RIMS2: variants seen among roughly 807,000 people sequenced by gnomAD.
The protein encoded by RIMS2 is regulating synaptic membrane exocytosis protein 2.
A neutral mutation model predicts 174.4 loss-of-function variants in RIMS2; 59 were observed. The observed-to-expected ratio is 0.34, with a 90% CI of 0.27 to 0.42. The LOEUF (loss-of-function observed/expected upper bound fraction) is 0.42, where lower values mean the gene tolerates loss of function less well. Ranked by LOEUF, RIMS2 falls within the 10% of genes least tolerant of loss-of-function variation. The pLI is 1.00. For synonymous variants in RIMS2, 606 were observed against 572.5 expected (o/e 1.06, Z -0.84); for missense variants, 1,620 against 1,666.3 (o/e 0.97, Z 0.48).
intron 19 of RIMS2, among the ~76,000 whole-genome samples, chr8:104,232,812 T>A (rs2099237953): frequency 6.6e-6 from 1 of 152,212 alleles, no homozygotes; most frequent in Non-Finnish European, 1.5e-5. Context: ...ATACCCTAAT[T>A]GCAAAGCAGG....
chr8:104,108,018 T>C (rs1258705717), intron 19 of RIMS2, among the ~76,000 whole-genome samples: 4 of 146,712 alleles, frequency 2.7e-5, no homozygotes, highest in Non-Finnish European at 6.0e-5. Context: ...CAGTGGAAAT[T>C]ACTTCATAAT....
At chr8:103,591,843 C>A (rs2094275668) in intron 1 of RIMS2, among the ~76,000 whole-genome samples, 1 of 151,050 alleles carries the variant, frequency 6.6e-6, no homozygotes, top group Non-Finnish European at 1.5e-5. Context: ...AACCTCTTAC[C>A]TTTTTTTCTT....
At chr8:104,008,552 C>T (rs949228603) in intron 17 of RIMS2, among the ~76,000 whole-genome samples, 7 of 151,110 alleles carry the variant, frequency 4.6e-5, no homozygotes, top group Non-Finnish European at 8.9e-5. Flanking sequence ...TTGTATTTGT[C>T]CCTAATTTTC....
intron 19 of RIMS2, among the ~76,000 whole-genome samples, chr8:104,103,676 A>G (rs1046830872): frequency 4.2e-5 from 6 of 142,720 alleles, no homozygotes; most frequent in African/African-American, 1.6e-4. Flanking sequence ...GCTCAAGAAA[A>G]GGTGATTTTT....
intron 2 of RIMS2, among the ~76,000 whole-genome samples, chr8:103,724,278 G>A (rs374864889): frequency 1.3e-5 from 2 of 152,054 alleles, no homozygotes; most frequent in African/African-American, 2.4e-5. Flanking sequence ...CTGAGAGGGG[G>A]TGAGGGTAGA....
chr8:103,585,048 G>GT (rs2093830686), intron 1 of RIMS2, among the ~76,000 whole-genome samples: 1 of 152,152 alleles, frequency 6.6e-6, no homozygotes. Flanking sequence ...GATATTCCAT[G>GT]TCAATGGAAA....
At chr8:103,882,392 A>G (rs746260571) in intron 3 of RIMS2, among the ~76,000 whole-genome samples, 8 of 151,552 alleles carry the variant, frequency 5.3e-5, no homozygotes, top group Admixed American at 2.6e-4. Context: ...AATATTTATT[A>G]TTTTGAAATA....
chr8:103,739,526 A>G (rs924021597), intron 2 of RIMS2, among the ~76,000 whole-genome samples: 2 of 152,228 alleles, frequency 1.3e-5, no homozygotes, highest in African/African-American at 4.8e-5. Context: ...CTTAAAGTAT[A>G]ATATAAAACA....
At chr8:103,819,875 G>C (rs1200157854) in intron 3 of RIMS2, among the ~76,000 whole-genome samples, 1 of 151,950 alleles carries the variant, frequency 6.6e-6, no homozygotes, top group Non-Finnish European at 1.5e-5. Flanking sequence ...ATATCAGGCT[G>C]TTTCATTATT....
intron 2 of RIMS2, among the ~76,000 whole-genome samples, chr8:103,722,675 G>C (rs1338391984): frequency 6.6e-6 from 1 of 152,186 alleles, no homozygotes; most frequent in East Asian, 1.9e-4. Flanking sequence ...GTGAAGCCCA[G>C]TTCCTAACAG....
intron 8 of RIMS2, among the ~76,000 whole-genome samples, chr8:103,917,611 G>A (rs2154528743): frequency 6.6e-6 from 1 of 152,142 alleles, no homozygotes; most frequent in South Asian, 2.1e-4. Context: ...TTTACCCCTT[G>A]TGTCAAATCT....
chr8:104,130,689 A>T (rs991341302), intron 19 of RIMS2, among the ~76,000 whole-genome samples: 2 of 152,146 alleles, frequency 1.3e-5, no homozygotes, highest in African/African-American at 4.8e-5. Context: ...GGAAAATGTT[A>T]TTTCAAAGTT....
chr8:103,517,671 G>T lies in RIMS2; in HGVS notation c.176+16609G>T, dbSNP rs868218261. Among the ~76,000 whole-genome samples, 4 of 152,162 alleles carry T rather than the reference G, an allele frequency of 2.6e-5. 1 individual carries two copies. The highest frequency in any genetic ancestry group is 1.3e-4 in the Admixed American group (2 of 15,276). ...CCTTGGAAGGCATGTACTGCCTGTAGTGTCAGTGCCTACCTGATACCCCTG... is the reference window on the plus strand; with the variant it reads ...CCTTGGAAGGCATGTACTGCCTGTATTGTCAGTGCCTACCTGATACCCCTG... On this transcript the variant is annotated intron_variant, in intron 1 of 23. Coordinates refer to ENST00000504942, the Ensembl canonical transcript of RIMS2.
intron 1 of RIMS2, among the ~76,000 whole-genome samples, chr8:103,641,719 C>T (rs1263580798): frequency 6.6e-6 from 1 of 151,952 alleles, no homozygotes; most frequent in Non-Finnish European, 1.5e-5. Context: ...TGTTCGTTCT[C>T]ATGAGTGTTG....
At chr8:103,740,118 A>G (rs754185297) in intron 2 of RIMS2, among the ~76,000 whole-genome samples, 19 of 152,186 alleles carry the variant, frequency 1.2e-4, no homozygotes, top group African/African-American at 1.9e-4. Context: ...ATAGGAAGTT[A>G]ACATTCTGTT....
chr8:103,598,855 A>G lies in RIMS2; in HGVS notation c.176+97793A>G, dbSNP rs532218483. ...CCTGGCTTTGCTGACAGGTAGTTCT[A>G]TGATCTGCTTCTGTCTATAAGGGGG... On this transcript the variant is annotated intron_variant, in intron 1 of 23. Transcript: ENST00000504942. Among the ~76,000 whole-genome samples, 42 of 152,272 alleles carry G rather than the reference A, an allele frequency of 2.8e-4. No homozygotes were observed. In the East Asian group the frequency reaches 2.9e-3, roughly 10 times the overall value.
At chr8:103,504,282 T>C (rs1308101292) in intron 1 of RIMS2, among the ~76,000 whole-genome samples, 1 of 152,156 alleles carries the variant, frequency 6.6e-6, no homozygotes, top group Non-Finnish European at 1.5e-5. Flanking sequence ...TTTTTTGAGT[T>C]TGTGTTTTGC....
intron 19 of RIMS2, among the ~76,000 whole-genome samples, chr8:104,237,651 T>C (rs1196714681): frequency 1.3e-5 from 2 of 152,196 alleles, no homozygotes; most frequent in Non-Finnish European, 2.9e-5. Flanking sequence ...ATTAAATAGT[T>C]GTGACAAAGC....
At chr8:104,146,499 G>T (rs190631446) in intron 19 of RIMS2, among the ~76,000 whole-genome samples, 14 of 152,232 alleles carry the variant, frequency 9.2e-5, no homozygotes, top group African/African-American at 2.6e-4. Flanking sequence ...TTGTTTATCT[G>T]CAAAATGATG....
Sources: gnomAD v4.1 joint callset for allele counts (sites outside exome capture counted in the v4.1 genomes callset) on GRCh38, gnomAD v4.1.1 for gene constraint, MANE v1.5 for transcripts, NCBI Gene and HGNC (gene_info 2026-07-23, HGNC 2026-07-21) for gene names.